Variants in PEX7 observed in about 807,000 individuals in gnomAD.
PEX7 encodes the protein peroxisomal biogenesis factor 7.
Under a neutral mutation model 47.5 loss-of-function variants are expected in PEX7, and 34 were observed. That is an observed-to-expected ratio of 0.72 (90% CI 0.54 to 0.95). The LOEUF is 0.95. Ranked by LOEUF, PEX7 falls within the 40% of genes least tolerant of loss-of-function variation. PEX7 has a pLI of 0.00. For synonymous variants in PEX7, 141 were observed against 148.8 expected, an observed-to-expected ratio of 0.95 and a Z score of 0.38; for missense variants, 394 against 400.3, an observed-to-expected ratio of 0.98 and a Z score of 0.13.
intron 7 of PEX7, chr6:136,870,716 T>C (rs1374287200): frequency 5.1e-6 from 2 of 393,020 alleles, no homozygotes; most frequent in Admixed American, 3.0e-5. Flanking sequence ...TAAATTTTTT[T>C]TTCTTTTTTT....
In PEX7 at chr6:136,830,019, A is replaced by G. The variant is rs979993622; in HGVS notation, c.339+3550A>G. 1.8e-5 allele frequency: 13 copies of G among 715,688 alleles called. No homozygotes were observed. The Admixed American group carries it at 2.4e-4, about 13-fold the overall frequency. 44.3% of individuals were successfully genotyped at this position (715,688 alleles called of 1,614,324 possible). A position where few individuals can be genotyped will look rare whatever the true frequency, so the allele number is the denominator to read the frequency against. ...TTTTTTCCACCAGTATGTTCAGGGA[A>G]GCTGTGTTGTGAAATAGAAGAGCAA... On this transcript the variant is annotated intron_variant, in intron 3 of 9. Coordinates refer to ENST00000318471, the MANE Select transcript of PEX7 (RefSeq NM_000288.4).
chr6:136,827,801 G>A (rs1774223166), intron 3 of PEX7, among the ~76,000 whole-genome samples: 1 of 151,624 alleles, frequency 6.6e-6, no homozygotes, highest in South Asian at 2.1e-4. Context: ...CAAAGTGCTG[G>A]GATTATAGGC....
intron 5 of PEX7, among the ~76,000 whole-genome samples, chr6:136,856,499 A>G (rs1774865034): frequency 6.6e-6 from 1 of 152,072 alleles, no homozygotes; most frequent in Admixed American, 6.6e-5. Flanking sequence ...TCCAACACCT[A>G]CCTCTTTTCT....
Position 136,913,734 on chromosome 6 carries a change from C to T in PEX7, c.*208C>T. On this transcript the variant is annotated 3_prime_UTR_variant, in exon 10 of 10. Coordinates refer to ENST00000318471, the MANE Select transcript of PEX7 (RefSeq NM_000288.4). ...TGATACATAAGCCATATTTAAAATT[C>T]TAAGAAATAATTAATGTTATGATAT... 1.8e-6 allele frequency: 1 copy of T among 565,940 alleles called. No individual in the cohort carries two copies. The highest frequency in any genetic ancestry group is 2.1e-5 in the South Asian group (1 of 46,808). The allele number at this position is 565,940 out of a possible 1,614,324, so 35.1% of individuals were successfully genotyped here.
intron 9 of PEX7, chr6:136,901,582 G>C (rs1476015458): frequency 6.6e-6 from 1 of 152,254 alleles, no homozygotes; most frequent in Non-Finnish European, 1.5e-5. Flanking sequence ...GAGGGCAAGA[G>C]CAAAAGCTGC....
intron 3 of PEX7, among the ~76,000 whole-genome samples, chr6:136,828,865 T>C (rs1470423820): frequency 6.6e-6 from 1 of 152,240 alleles, no homozygotes; most frequent in Non-Finnish European, 1.5e-5. Flanking sequence ...TCTTTTGTTA[T>C]TTGAACTGCT....
chr6:136,913,644 T>C lies in PEX7; in HGVS notation c.*118T>C. On this transcript the variant is annotated 3_prime_UTR_variant, in exon 10 of 10. Transcript: ENST00000318471. Reference sequence around the variant, plus strand: ...TTATATGCTATTCAGATTTCAAATCTTTCCAATTTACCCTGGAATCAGTTT... The same window carrying C: ...TTATATGCTATTCAGATTTCAAATCCTTCCAATTTACCCTGGAATCAGTTT... The C allele has an allele frequency of 2.5e-6, 2 of 807,026 alleles. No individual in the cohort carries two copies. Among genetic ancestry groups the C allele is most frequent in the Non-Finnish European group, 4.3e-6 (2 of 462,552 alleles). The allele number at this position is 807,026 out of a possible 1,614,324, so 50.0% of individuals were successfully genotyped here. A position where few individuals can be genotyped will look rare whatever the true frequency, so the allele number is the denominator to read the frequency against.
intron 5 of PEX7, among the ~76,000 whole-genome samples, chr6:136,863,970 C>T (rs577787351): frequency 2.3e-4 from 35 of 152,280 alleles, no homozygotes; most frequent in African/African-American, 8.2e-4. Context: ...AAGGAGGCAG[C>T]AGCGCAGTGT....
chr6:136,904,600 T>C (rs1775809990), intron 9 of PEX7, among the ~76,000 whole-genome samples: 1 of 151,408 alleles, frequency 6.6e-6, no homozygotes, highest in African/African-American at 2.4e-5. Context: ...TGAGATCTGA[T>C]GGTTCTATAA....
Position 136,894,515 on chromosome 6 carries a change from G to A in PEX7, c.804-3627G>A, listed in dbSNP as rs534015350. 8.5e-5 allele frequency among the ~76,000 whole-genome samples: 13 copies of A among 152,190 alleles called. No homozygotes were observed. In the East Asian group the frequency reaches 1.7e-3, roughly 20 times the overall value. ...TGAGGCAGGAGAATTGCTTGAACCC[G>A]GGAGGCAGAGGTTGCAGTGAGCCGA... is the stretch of plus-strand genomic sequence containing the variant. On this transcript the variant is annotated intron_variant, in intron 8 of 9. Transcript: ENST00000318471.
intron 9 of PEX7, among the ~76,000 whole-genome samples, chr6:136,904,074 ATTCT>A (rs1382845260): frequency 6.6e-6 from 1 of 152,158 alleles, no homozygotes; most frequent in Non-Finnish European, 1.5e-5. Context: ...GTATTTAAGA[ATTCT>A]TTAATGAGTT....
chr6:136,850,327 G>A (rs887742616), intron 5 of PEX7, among the ~76,000 whole-genome samples: 7 of 152,090 alleles, frequency 4.6e-5, no homozygotes, highest in Admixed American at 2.0e-4. Flanking sequence ...GCCAGTCTGT[G>A]TCTTTTAATT....
In PEX7 at chr6:136,872,147, T is replaced by C. The variant is rs765718159; in HGVS notation, c.748-51T>C. 1.2e-5 allele frequency: 17 copies of C among 1,446,358 alleles called. No homozygotes were observed. In the South Asian group the frequency reaches 1.8e-4, roughly 15 times the overall value. 89.6% of individuals were successfully genotyped at this position (1,446,358 alleles called of 1,614,324 possible). A position where few individuals can be genotyped will look rare whatever the true frequency, so the allele number is the denominator to read the frequency against. ...GGAATGATCATAGAAAGCAGTGTTA[T>C]AATCACAGCTGACTTCAAAAAGGGT... is the stretch of plus-strand genomic sequence containing the variant. On this transcript the variant is annotated intron_variant, in intron 7 of 9. Transcript: ENST00000318471.
chr6:136,841,010 T>C (rs1012101863), intron 3 of PEX7, among the ~76,000 whole-genome samples: 16 of 152,246 alleles, frequency 1.1e-4, no homozygotes, highest in African/African-American at 3.9e-4. Context: ...AAATTATACA[T>C]TTATTTATAG....
intron 3 of PEX7, among the ~76,000 whole-genome samples, chr6:136,842,452 A>G (rs762983491): frequency 6.6e-5 from 10 of 152,168 alleles, no homozygotes; most frequent in Non-Finnish European, 1.0e-4. Flanking sequence ...TCTATCTTTG[A>G]TGTTGATTCA....
intron 8 of PEX7, among the ~76,000 whole-genome samples, chr6:136,884,294 C>A (rs1300525575): frequency 2.0e-5 from 3 of 152,046 alleles, no homozygotes. Flanking sequence ...TTAAATTTAT[C>A]CTCTGAAGAA....
chr6:136,872,277 C>T, intron 8 of PEX7, 24 bp downstream of exon 8: 1 of 1,568,648 alleles, frequency 6.4e-7, no homozygotes, highest in Non-Finnish European at 8.7e-7. Context: ...TAATACATTT[C>T]ATTGTGAAAT....
intron 9 of PEX7, among the ~76,000 whole-genome samples, chr6:136,898,665 C>T (rs969125963): frequency 2.0e-5 from 3 of 152,214 alleles, no homozygotes; most frequent in African/African-American, 7.2e-5. Context: ...CTTGTCTTCA[C>T]ACCACGTGTC....
At chr6:136,843,221 T>G (rs1379009507) in intron 3 of PEX7, among the ~76,000 whole-genome samples, 1 of 152,228 alleles carries the variant, frequency 6.6e-6, no homozygotes, top group African/African-American at 2.4e-5. Flanking sequence ...ACTTAACCTC[T>G]CTGGGCCTTG....
Sources: gnomAD v4.1 joint callset for allele counts (sites outside exome capture counted in the v4.1 genomes callset) on GRCh38, gnomAD v4.1.1 for gene constraint, MANE v1.5 for transcripts, NCBI Gene and HGNC (gene_info 2026-07-23, HGNC 2026-07-21) for gene names.